The following COL7A1 variants were observed in gnomAD, a reference collection of about 807,000 sequenced individuals.
The protein encoded by COL7A1 is collagen type VII alpha 1 chain, also known as collagen alpha-1(VII) chain.
In COL7A1, 296 loss-of-function variants were observed where a neutral mutation model predicts 456.2. The ratio of observed to expected loss-of-function variants is 0.65; its 90% confidence interval spans 0.59 to 0.71. The LOEUF is 0.71. Ranked by LOEUF, COL7A1 falls within the 30% of genes least tolerant of loss-of-function variation. The pLI, the probability that COL7A1 is intolerant of heterozygous loss-of-function variation, is 0.00. For synonymous variants in COL7A1, 1,464 were observed against 1,525.9 expected (o/e 0.96, Z 0.95); for missense variants, 3,441 against 4,017.2 (o/e 0.86, Z 3.88).
rs778344378 is a variant in COL7A1 at position 48,571,992 on chromosome 3, C to T, written c.7068+9G>A. On this transcript the variant is annotated intron_variant, in intron 92 of 118. Transcript: ENST00000681320. The surrounding 1 kb of genome is among the most constrained non-coding windows in gnomAD (Gnocchi z 4.6). ...GCCAGGCTCGCCCTTGCCTAGGCCC[C>T]GGACTCACATCTTCCCCAGGGTCTC... is the stretch of plus-strand genomic sequence containing the variant. 1.9e-5 allele frequency: 30 copies of T among 1,611,752 alleles called. No individual in the cohort carries two copies. The highest frequency in any genetic ancestry group is 2.3e-5 in the Non-Finnish European group (27 of 1,179,140).
chr3:48,569,693 C>A lies in COL7A1; in HGVS notation c.7557+32G>T, dbSNP rs1235303727. ...TCAGAGGAGTCGGGAGCACCCTGGC[C>A]CCTGCCCTGCCCTCCCCATGCCCAC... On this transcript the variant is annotated intron_variant, in intron 101 of 118. Coordinates refer to ENST00000681320, the MANE Select transcript of COL7A1 (RefSeq NM_000094.4). This position sits in a 1 kb window ranked among gnomAD's most constrained non-coding sequence, Gnocchi z 4.9. The A allele has an allele frequency of 6.2e-7, 1 of 1,614,070 alleles. No individual in the cohort carries two copies. Among genetic ancestry groups the A allele is most frequent in the South Asian group, 1.1e-5 (1 of 91,088 alleles).
rs963132737 is a variant in COL7A1, at chr3:48,568,943, C to T, written c.7687-88G>A. ...AACGAGCCCGCCAGCTGGGGCAGAG[C>T]TCAAGTCACTCCCGAACGGCCCTAG... On this transcript the variant is annotated intron_variant, in intron 103 of 118. Transcript: ENST00000681320. The surrounding 1 kb of genome is among the most constrained non-coding windows in gnomAD (Gnocchi z 5.2). 3.8e-6 allele frequency: 5 copies of T among 1,321,760 alleles called. No homozygotes were observed. Among genetic ancestry groups the T allele is most frequent in the Non-Finnish European group, 5.3e-6 (5 of 943,098 alleles). 81.9% of individuals were successfully genotyped at this position (1,321,760 alleles called of 1,614,324 possible).
Position 48,582,236 on chromosome 3 carries a change from T to A in COL7A1, c.4635+87A>T. 3.1e-6 allele frequency: 5 copies of A among 1,607,638 alleles called. No homozygotes were observed. The South Asian group carries it at 5.5e-5, about 18-fold the overall frequency. ...CAGCCTGCTCACGGGCCCAGCACTG[T>A]GGAATCACAGCCCAGATAGTGTTCT... On this transcript the variant is annotated intron_variant, in intron 47 of 118. Coordinates refer to ENST00000681320, the MANE Select transcript of COL7A1 (RefSeq NM_000094.4).
At position 48,567,042 on chromosome 3, in the gene COL7A1, G is replaced by A. The variant is rs1273847932; in HGVS notation, c.8110-19C>T. ...GGGTTCCCTGGGGAGATATAGGACA[G>A]AGTCAGTAATCAGAGGCCCCAGAGA... On this transcript the variant is annotated intron_variant, in intron 110 of 118. Coordinates refer to ENST00000681320, the MANE Select transcript of COL7A1 (RefSeq NM_000094.4). This position sits in a 1 kb window ranked among gnomAD's most constrained non-coding sequence, Gnocchi z 4.3. 2 of 1,613,458 alleles carry A rather than the reference G, an allele frequency of 1.2e-6. No homozygotes were observed. Among genetic ancestry groups the A allele is most frequent in the Non-Finnish European group, 1.7e-6 (2 of 1,179,576 alleles).
At position 48,571,754 on chromosome 3, in the gene COL7A1, T is replaced by A. The variant is rs1005050409; in HGVS notation, c.7068+247A>T. The A allele has an allele frequency of 1.4e-5, 9 of 630,588 alleles. No homozygotes were observed. In the Admixed American group the frequency reaches 1.9e-4, roughly 14 times the overall value. 39.1% of individuals were successfully genotyped at this position (630,588 alleles called of 1,614,324 possible). Reference sequence around the variant, plus strand: ...CTGGGAGATCAGACCAGAGCACACGTGTGCCCAGATGTGGTGAGAAACAGA... The same window carrying A: ...CTGGGAGATCAGACCAGAGCACACGAGTGCCCAGATGTGGTGAGAAACAGA... On this transcript the variant is annotated intron_variant, in intron 92 of 118. Coordinates refer to ENST00000681320, the MANE Select transcript of COL7A1 (RefSeq NM_000094.4). This position sits in a 1 kb window ranked among gnomAD's most constrained non-coding sequence, Gnocchi z 4.6.
Position 48,588,812 on chromosome 3 carries a change from TGGTTA to T in COL7A1, c.2441-29_2441-25del, listed in dbSNP as rs1559427398. 1 of 1,613,500 alleles carries T rather than the reference TGGTTA, an allele frequency of 6.2e-7. No individual in the cohort carries two copies. Among genetic ancestry groups the T allele is most frequent in the Non-Finnish European group, 8.5e-7 (1 of 1,180,002 alleles). On this transcript the variant is annotated intron_variant, in intron 19 of 118. Transcript: ENST00000681320. The surrounding 1 kb of genome is among the most constrained non-coding windows in gnomAD (Gnocchi z 4.6). ...GCCTGGCCAGGTGGGCATACAGCAA[TGGTTA>T]GGGGTGAGCAGTCCCAGCCAGGAAG...
chr3:48,573,652 T>G lies in COL7A1; in HGVS notation c.6573+38A>C. ...TGTGGCCAATGCCTATCCCAGCCCT[T>G]CCAGACCCTCACCAGGCAGTGTTCC... On this transcript the variant is annotated intron_variant, in intron 82 of 118. Coordinates refer to ENST00000681320, the MANE Select transcript of COL7A1 (RefSeq NM_000094.4). This position sits in a 1 kb window ranked among gnomAD's most constrained non-coding sequence, Gnocchi z 5.5. The G allele has an allele frequency of 6.2e-7, 1 of 1,612,686 alleles. No individual in the cohort carries two copies. Among genetic ancestry groups the G allele is most frequent in the Non-Finnish European group, 8.5e-7 (1 of 1,179,376 alleles).
rs76140443 is a variant in COL7A1, at chr3:48,575,038, G to A, written c.6279+26C>T. On this transcript the variant is annotated intron_variant, in intron 76 of 118. Transcript: ENST00000681320. This position sits in a 1 kb window ranked among gnomAD's most constrained non-coding sequence, Gnocchi z 6.3. ...GTGGCTTCCTGGTCACTAGTCACAG[G>A]ACTAAGGCAGGGATGGGGTGATCAC... 117,956 of 1,607,558 alleles carry A rather than the reference G, an allele frequency of 0.073. 4,896 individuals are homozygous for A. Among genetic ancestry groups the A allele is most frequent in the Non-Finnish European group, 0.085 (99,655 of 1,174,286 alleles).
Position 48,592,299 on chromosome 3 carries a change from A to C in COL7A1, c.1094-51T>G. ...GTGGGCCTTGCAGACTCAGGACTCTACAGCCTTGTCTGAGGCGCGGGGACT... is the reference window on the plus strand; with the variant it reads ...GTGGGCCTTGCAGACTCAGGACTCTCCAGCCTTGTCTGAGGCGCGGGGACT... On this transcript the variant is annotated intron_variant, in intron 9 of 118. Transcript: ENST00000681320. The surrounding 1 kb of genome is among the most constrained non-coding windows in gnomAD (Gnocchi z 7.6). 1 of 1,613,684 alleles carries C rather than the reference A, an allele frequency of 6.2e-7. No individual in the cohort carries two copies. The highest frequency in any genetic ancestry group is 8.5e-7 in the Non-Finnish European group (1 of 1,180,000).
At position 48,573,561 on chromosome 3, in the gene COL7A1, G is replaced by A. The variant is rs765119803; in HGVS notation, c.6574-4C>T. ...GTCCTGCAGGGCCAGCAAGACCCTA[G>A]AGAAAAGGGTCAAGGGCAGGGAACA... On this transcript the variant is annotated splice_polypyrimidine_tract_variant and splice_region_variant and intron_variant, in intron 82 of 118. Coordinates refer to ENST00000681320, the MANE Select transcript of COL7A1 (RefSeq NM_000094.4). The surrounding 1 kb of genome is among the most constrained non-coding windows in gnomAD (Gnocchi z 5.5). 1.2e-6 allele frequency: 2 copies of A among 1,614,086 alleles called. No individual in the cohort carries two copies. The highest frequency in any genetic ancestry group is 1.7e-6 in the Non-Finnish European group (2 of 1,180,014).
Position 48,578,966 on chromosome 3 carries a change from C to T in COL7A1, c.5389-12G>A. On this transcript the variant is annotated splice_polypyrimidine_tract_variant and intron_variant, in intron 62 of 118. Transcript: ENST00000681320. This position sits in a 1 kb window ranked among gnomAD's most constrained non-coding sequence, Gnocchi z 4.7. ...TTGCCTGCAGCACCCTGAGGAGAGACTCAAAGTCAGTTCATCATGGTCATG... is the reference window on the plus strand; with the variant it reads ...TTGCCTGCAGCACCCTGAGGAGAGATTCAAAGTCAGTTCATCATGGTCATG... 1.9e-6 allele frequency: 3 copies of T among 1,613,982 alleles called. No individual in the cohort carries two copies. In the South Asian group the frequency reaches 3.3e-5, roughly 18 times the overall value.
In COL7A1 at chr3:48,566,036, CACAGCCAAGCTGG is replaced by C. The variant is rs2043590391; in HGVS notation, c.8407+218_8407+230del. 6.6e-6 allele frequency among the ~76,000 whole-genome samples: 1 copy of C among 152,100 alleles called. No individual in the cohort carries two copies. The highest frequency in any genetic ancestry group is 1.5e-5 in the Non-Finnish European group (1 of 68,030). On this transcript the variant is annotated intron_variant, in intron 114 of 118. Coordinates refer to ENST00000681320, the MANE Select transcript of COL7A1 (RefSeq NM_000094.4). This position sits in a 1 kb window ranked among gnomAD's most constrained non-coding sequence, Gnocchi z 5.9. ...GCTCCCACCATCATCCCACTCCCCACACAGCCAAGCTGGACATCTGAGAGCACTGCATGGCAAT... is the reference window on the plus strand; with the variant it reads ...GCTCCCACCATCATCCCACTCCCCACACATCTGAGAGCACTGCATGGCAAT...
Position 48,586,059 on chromosome 3 carries a change from A to G in COL7A1, c.3723+15T>C. The G allele has an allele frequency of 6.2e-7, 1 of 1,613,544 alleles. No individual in the cohort carries two copies. Among genetic ancestry groups the G allele is most frequent in the East Asian group, 2.2e-5 (1 of 44,888 alleles). On this transcript the variant is annotated intron_variant, in intron 28 of 118. Coordinates refer to ENST00000681320, the MANE Select transcript of COL7A1 (RefSeq NM_000094.4). This position sits in a 1 kb window ranked among gnomAD's most constrained non-coding sequence, Gnocchi z 5.1. Reference sequence around the variant, plus strand: ...TATATTCTACCACCCAGTCCCCCAGAGGCCTCTTCCAAACCTGAGTAGTGA... The same window carrying G: ...TATATTCTACCACCCAGTCCCCCAGGGGCCTCTTCCAAACCTGAGTAGTGA...
In COL7A1 at chr3:48,564,262, C is replaced by T. The variant is rs554483328; in HGVS notation, c.*144G>A. On this transcript the variant is annotated 3_prime_UTR_variant, in exon 119 of 119. Coordinates refer to ENST00000681320, the MANE Select transcript of COL7A1 (RefSeq NM_000094.4). This position sits in a 1 kb window ranked among gnomAD's most constrained non-coding sequence, Gnocchi z 6.0. The stretch of plus-strand genomic sequence containing the variant: ...TCCACAGGGGGGAAGGCTAGACCCA[C>T]GGGACCAAGTCACTGAAATAACGGA... 8.3e-5 allele frequency: 85 copies of T among 1,028,444 alleles called. No individual in the cohort carries two copies. The African/African-American group carries it at 9.2e-4, about 11-fold the overall frequency. 63.7% of individuals were successfully genotyped at this position (1,028,444 alleles called of 1,614,324 possible).
In COL7A1 at chr3:48,584,408, C is replaced by T. The variant is rs773414949; in HGVS notation, c.4120-33G>A. On this transcript the variant is annotated intron_variant, in intron 36 of 118. Coordinates refer to ENST00000681320, the MANE Select transcript of COL7A1 (RefSeq NM_000094.4). ...AGGAGACAAAGTATAAGGTGCAACC[C>T]CACAGACCTCACTCTCGCCCCCCTC... 3.7e-6 allele frequency: 6 copies of T among 1,613,388 alleles called. No homozygotes were observed. The African/African-American group carries it at 4.0e-5, about 11-fold the overall frequency.
In COL7A1 at chr3:48,592,631, C is replaced by T. The variant is rs754074288; in HGVS notation, c.915G>A (p.Val305=). The T allele has an allele frequency of 2.5e-6, 4 of 1,613,902 alleles. No homozygotes were observed. Among genetic ancestry groups the T allele is most frequent in the Non-Finnish European group, 3.4e-6 (4 of 1,180,038 alleles). ...TGTTGGCGTAGAGGGCAATCACAGTCACTTGGTACTCGGTCAGTGGCCGGA... is the reference window on the plus strand; with the variant it reads ...TGTTGGCGTAGAGGGCAATCACAGTTACTTGGTACTCGGTCAGTGGCCGGA... ...RGLRPLTEYQ[V]TVIALYANSI... The change falls in exon 8 of 119, where the codon GTG becomes GTA. Residue 305 remains valine (V), a synonymous_variant. Transcript: ENST00000681320. The surrounding 1 kb of genome is among the most constrained non-coding windows in gnomAD (Gnocchi z 7.6).
rs747089677 is a variant in COL7A1 at position 48,573,864 on chromosome 3, A to T, written c.6528T>A (p.Pro2176=). Residue 2176 remains proline, a synonymous_variant, in exon 81 of 119, where the codon CCT becomes CCA. Transcript: ENST00000681320. This position sits in a 1 kb window ranked among gnomAD's most constrained non-coding sequence, Gnocchi z 5.5. ...KPGLQGPRGP[P]GPVGGHGDPG... ...GTTCTTGGGTACTCACCACTGGGCC[A>T]GGGGGGCCTCTTGGACCCTGCAGAC... The T allele has an allele frequency of 6.2e-7, 1 of 1,613,970 alleles. No individual in the cohort carries two copies. Among genetic ancestry groups the T allele is most frequent in the South Asian group, 1.1e-5 (1 of 91,066 alleles).
Position 48,579,559 on chromosome 3 carries a change from C to G in COL7A1, c.5235+29G>C. 1.2e-6 allele frequency: 2 copies of G among 1,613,862 alleles called. No homozygotes were observed. Among genetic ancestry groups the G allele is most frequent in the Non-Finnish European group, 1.7e-6 (2 of 1,180,010 alleles). On this transcript the variant is annotated intron_variant, in intron 59 of 118. Transcript: ENST00000681320. The surrounding 1 kb of genome is among the most constrained non-coding windows in gnomAD (Gnocchi z 4.4). ...GAAATCAGAGCAGGCCCTCCCATGC[C>G]TGCACCCCCGAGGACCAATCACACT...
chr3:48,580,041 G>A lies in COL7A1; in HGVS notation c.5114C>T (p.Pro1705Leu), dbSNP rs762491113. The part of the protein sequence containing the change: ...DRGEPGPPGP[P>L]GRLVDTGPGA... ...CAGCGCAGCCCTTACCAGCCGTCCC[G>A]GGGGTCCTGGGGGACCCTGGGAAAG... Residue 1705 changes from proline to leucine, a missense_variant, in exon 57 of 119, where the codon CCG becomes CTG. By Grantham distance (98) the Pro-to-Leu change is moderately conservative. This residue lies in a region of COL7A1 where 2,084 missense variants were observed against 2,501.3 expected (regional missense o/e 0.83). Transcript: ENST00000681320. This position sits in a 1 kb window ranked among gnomAD's most constrained non-coding sequence, Gnocchi z 4.5. 5.6e-6 allele frequency: 9 copies of A among 1,613,750 alleles called. No homozygotes were observed. Among genetic ancestry groups the A allele is most frequent in the East Asian group, 2.2e-5 (1 of 44,864 alleles).
Sources: gnomAD v4.1 joint callset for allele counts (sites outside exome capture counted in the v4.1 genomes callset) on GRCh38, gnomAD v4.1.1 for gene constraint, gnomAD v4.1.1 regional missense constraint, Gnocchi (gnomAD v3.1) non-coding constraint, MANE v1.5 for transcripts, NCBI Gene and HGNC (gene_info 2026-07-23, HGNC 2026-07-21) for gene names.